The following DCUN1D2 variants were observed in gnomAD, a reference collection of about 807,000 sequenced individuals.
The protein encoded by DCUN1D2 is defective in cullin neddylation 1 domain containing 2.
A neutral mutation model predicts 30.9 loss-of-function variants in DCUN1D2; 29 were observed. That is an observed-to-expected ratio of 0.94 (90% CI 0.70 to 1.28). DCUN1D2 has a LOEUF of 1.28. DCUN1D2 is among the 50% of genes most tolerant of loss of function. DCUN1D2 has a pLI of 0.00. For synonymous variants in DCUN1D2, 121 were observed against 115.3 expected (o/e 1.05, Z -0.32); for missense variants, 325 against 316.9 (o/e 1.03, Z -0.19).
At chr13:113,462,668 C>T in intron 4 of DCUN1D2, 1 of 841,688 alleles carries the variant, frequency 1.2e-6, no homozygotes, top group African/African-American at 1.8e-5. Context: ...ACCCTGGAGT[C>T]TGAATCAGAA....
chr13:113,490,181 G>A lies in DCUN1D2; in HGVS notation c.3+486C>T, dbSNP rs772058234. Among the ~76,000 whole-genome samples the A allele has an allele frequency of 2.6e-5, 4 of 152,180 alleles. No homozygotes were observed. Among genetic ancestry groups the A allele is most frequent in the Non-Finnish European group, 4.4e-5 (3 of 68,026 alleles). On this transcript the variant is annotated intron_variant, in intron 1 of 6. Transcript: ENST00000478244. The surrounding 1 kb of genome is among the most constrained non-coding windows in gnomAD (Gnocchi z 5.2). ...CTAGAGCCCGCGCTAGGGCCCCGCT[G>A]TGCCTCTCCCTCCCCTCCCGGCAGC...
intron 2 of DCUN1D2, 120 bp downstream of exon 2, chr13:113,483,720 T>G: frequency 4.5e-5 from 38 of 852,178 alleles, no homozygotes; most frequent in East Asian, 1.7e-4. Context: ...GCGCTGAGCG[T>G]GGGGAGGAGA....
intron 4 of DCUN1D2, 73 bp from the exon 5 acceptor site, chr13:113,461,209 T>C: frequency 1.1e-6 from 1 of 900,240 alleles, no homozygotes; most frequent in South Asian, 1.5e-5. Context: ...CGACCACTTC[T>C]TAGCATGTCA....
rs1033155170 is a variant in DCUN1D2, at chr13:113,490,409, T to G, written c.3+258A>C. 8 of 326,180 alleles carry G rather than the reference T, an allele frequency of 2.5e-5. No homozygotes were observed. The highest frequency in any genetic ancestry group is 1.8e-4 in the African/African-American group (8 of 44,526). 20.2% of individuals were successfully genotyped at this position (326,180 alleles called of 1,614,324 possible). ...CCTGCCCCAAGGCCCCTACAGTTCC[T>G]CCCGGCCCCCGCCCTCCGCTCACTC... On this transcript the variant is annotated intron_variant, in intron 1 of 6. Transcript: ENST00000478244. This position sits in a 1 kb window ranked among gnomAD's most constrained non-coding sequence, Gnocchi z 5.2.
Position 113,488,512 on chromosome 13 carries a change from C to T in DCUN1D2, c.3+2155G>A, listed in dbSNP as rs2044846712. 6.6e-6 allele frequency among the ~76,000 whole-genome samples: 1 copy of T among 152,178 alleles called. No homozygotes were observed. On this transcript the variant is annotated intron_variant, in intron 1 of 6. Coordinates refer to ENST00000478244, the MANE Select transcript of DCUN1D2 (RefSeq NM_001014283.2). The surrounding 1 kb of genome is among the most constrained non-coding windows in gnomAD (Gnocchi z 4.3). ...TGTGAAAAAGGGAACTGGCATAAAG[C>T]TTCTTAGGAAACAAAAAGGCTCGTC...
intron 2 of DCUN1D2, among the ~76,000 whole-genome samples, chr13:113,481,807 C>A (rs1383694726): frequency 1.3e-5 from 2 of 149,190 alleles, no homozygotes; most frequent in African/African-American, 5.0e-5. Flanking sequence ...TCGCTTGAAC[C>A]CAGGAGGTGG....
At position 113,459,217 on chromosome 13, in the gene DCUN1D2, T is replaced by C. The variant is rs1334755449; in HGVS notation, c.700+95A>G. ...GGGGGTAGTATTATGACCACGCCCA[T>C]CTCAGTGACGGGGTCACCACTCTAG... On this transcript the variant is annotated intron_variant, in intron 6 of 6. Coordinates refer to ENST00000478244, the MANE Select transcript of DCUN1D2 (RefSeq NM_001014283.2). The C allele has an allele frequency of 4.1e-6, 3 of 726,282 alleles. No individual in the cohort carries two copies. The African/African-American group carries it at 5.3e-5, about 13-fold the overall frequency. 45.0% of individuals were successfully genotyped at this position (726,282 alleles called of 1,614,324 possible). A position where few individuals can be genotyped will look rare whatever the true frequency, so the allele number is the denominator to read the frequency against.
At chr13:113,475,407 G>A (rs1449348281) in intron 3 of DCUN1D2, 1 of 152,304 alleles carries the variant, frequency 6.6e-6, no homozygotes, top group Admixed American at 6.5e-5. Context: ...CACGGCCTAG[G>A]AGCAACAGGC....
chr13:113,483,773 G>A, intron 2 of DCUN1D2, 67 bp downstream of exon 2: 6 of 1,499,606 alleles, frequency 4.0e-6, no homozygotes, highest in Middle Eastern at 2.4e-4. Flanking sequence ...CAGAACCCTG[G>A]AAGTGCAGCG....
In DCUN1D2 at chr13:113,475,189, A is replaced by G. The variant is rs2044593573; in HGVS notation, c.390-935T>C. Among the ~76,000 whole-genome samples the G allele has an allele frequency of 2.0e-5, 3 of 152,330 alleles. No individual in the cohort carries two copies. In the South Asian group the frequency reaches 6.2e-4, roughly 32 times the overall value. On this transcript the variant is annotated intron_variant, in intron 3 of 6. Transcript: ENST00000478244. ...AAATGTATGACTCAGTCCTGCGCGC[A>G]GTCACGGTCAACAGCAGAAGGCGTA... is the stretch of plus-strand genomic sequence containing the variant.
intron 1 of DCUN1D2, chr13:113,489,274 C>G: frequency 2.2e-6 from 1 of 444,446 alleles, no homozygotes; most frequent in Non-Finnish European, 3.0e-6. Context: ...TCAAGTTTTC[C>G]CCAAACTAAG....
chr13:113,487,037 T>G (rs924219875), intron 1 of DCUN1D2, among the ~76,000 whole-genome samples: 1 of 152,362 alleles, frequency 6.6e-6, no homozygotes. Flanking sequence ...TTCCTGAAAC[T>G]GAGCTTTTGA....
In DCUN1D2 at chr13:113,463,755, CAA is replaced by C. The variant is rs1472197603; in HGVS notation, c.521-2621_521-2620del. 2.7e-5 allele frequency among the ~76,000 whole-genome samples: 4 copies of C among 150,788 alleles called. No homozygotes were observed. The East Asian group carries it at 6.0e-4, about 22-fold the overall frequency. ...ACACATAGACACACACAGATACCCACAAAGAGACACAGACACACACAGACACA... is the reference window on the plus strand; with the variant it reads ...ACACATAGACACACACAGATACCCACAGAGACACAGACACACACAGACACA... On this transcript the variant is annotated intron_variant, in intron 4 of 6. Coordinates refer to ENST00000478244, the MANE Select transcript of DCUN1D2 (RefSeq NM_001014283.2).
At position 113,456,009 on chromosome 13, in the gene DCUN1D2, A is replaced by G. The variant is rs2044219994; in HGVS notation, c.*2020T>C. 1 of 393,332 alleles carries G rather than the reference A, an allele frequency of 2.5e-6. No individual in the cohort carries two copies. The highest frequency in any genetic ancestry group is 4.5e-6 in the Non-Finnish European group (1 of 223,418). The allele number at this position is 393,332 out of a possible 1,614,324, so 24.4% of individuals were successfully genotyped here. On this transcript the variant is annotated 3_prime_UTR_variant, in exon 7 of 7. Transcript: ENST00000478244. ...ACAAAAAAGTACTGTGGATCTCCAT[A>G]GTTTATACAGAATTATGTGAATTCT...
In DCUN1D2 at chr13:113,490,491, C is replaced by T; in HGVS notation, c.3+176G>A. 3.0e-6 allele frequency: 2 copies of T among 676,488 alleles called. No homozygotes were observed. The highest frequency in any genetic ancestry group is 4.2e-6 in the Non-Finnish European group (2 of 480,966). 41.9% of individuals were successfully genotyped at this position (676,488 alleles called of 1,614,324 possible). On this transcript the variant is annotated intron_variant, in intron 1 of 6. Coordinates refer to ENST00000478244, the MANE Select transcript of DCUN1D2 (RefSeq NM_001014283.2). The surrounding 1 kb of genome is among the most constrained non-coding windows in gnomAD (Gnocchi z 5.2). ...CGCGCTCCCCGCGGTCCCGCGCCTC[C>T]GACGCCACCGCTCCGGCTCGCGGGC...
At position 113,483,937 on chromosome 13, in the gene DCUN1D2, C is replaced by T. The variant is rs140842684; in HGVS notation, c.123G>A (p.Thr41=). Residue 41 remains threonine (T), a synonymous_variant, in exon 2 of 7, where the codon ACG becomes ACA. Coordinates refer to ENST00000478244, the MANE Select transcript of DCUN1D2 (RefSeq NM_001014283.2). The part of the protein sequence containing the change: ...TQNEWRLDEA[T]DSFFQNPDSL... Reference sequence around the variant, plus strand: ...AGTCTGGGTTTTGGAAGAAGCTGTCCGTGGCCTCGTCTAGTCTCCACTCAT... The same window carrying T: ...AGTCTGGGTTTTGGAAGAAGCTGTCTGTGGCCTCGTCTAGTCTCCACTCAT... 3.5e-5 allele frequency: 56 copies of T among 1,613,982 alleles called. No individual in the cohort carries two copies. The highest frequency in any genetic ancestry group is 4.4e-5 in the Non-Finnish European group (52 of 1,180,056).
intron 3 of DCUN1D2, among the ~76,000 whole-genome samples, chr13:113,474,857 CT>C (rs2044586694): frequency 6.6e-6 from 1 of 152,188 alleles, no homozygotes; most frequent in Admixed American, 6.5e-5. Flanking sequence ...CTTAAGCTAC[CT>C]TATTTAGGGA....
At chr13:113,470,553 C>T (rs146544565) in intron 4 of DCUN1D2, among the ~76,000 whole-genome samples, 74 of 152,200 alleles carry the variant, frequency 4.9e-4, no homozygotes, top group African/African-American at 1.8e-3. Flanking sequence ...ACAGAAGACC[C>T]AACTCCACAG....
intron 4 of DCUN1D2, among the ~76,000 whole-genome samples, chr13:113,464,845 C>T (rs1198906078): frequency 3.9e-5 from 6 of 152,262 alleles, no homozygotes; most frequent in African/African-American, 1.2e-4. Flanking sequence ...GCTGCGCAGT[C>T]ATTACTAACC....
Sources: gnomAD v4.1 joint callset for allele counts (sites outside exome capture counted in the v4.1 genomes callset) on GRCh38, gnomAD v4.1.1 for gene constraint, Gnocchi (gnomAD v3.1) non-coding constraint, MANE v1.5 for transcripts, NCBI Gene and HGNC (gene_info 2026-07-23, HGNC 2026-07-21) for gene names.